PCSK2: variants seen among roughly 807,000 people sequenced by gnomAD.
The protein encoded by PCSK2 is neuroendocrine convertase 2.
PCSK2 carries 14 observed loss-of-function variants against 69.7 expected under a neutral mutation model. The ratio of observed to expected loss-of-function variants is 0.20; its 90% CI spans 0.13 to 0.31. The LOEUF is 0.31. Among genes scored for constraint, PCSK2 ranks in the 10% least tolerant of loss-of-function variants. The pLI, the probability that PCSK2 is intolerant of heterozygous loss-of-function variation, is 1.00. For missense variants in PCSK2, 544 were observed against 842.5 expected (o/e 0.65, Z 4.39); for synonymous variants, 307 against 320.7 (o/e 0.96, Z 0.46).
chr20:17,283,954 G>A (rs1988418238), intron 2 of PCSK2, among the ~76,000 whole-genome samples: 1 of 152,142 alleles, frequency 6.6e-6, no homozygotes, highest in South Asian at 2.1e-4. Context: ...CAGGAGCCAT[G>A]GCCAGAATCC....
intron 7 of PCSK2, among the ~76,000 whole-genome samples, chr20:17,432,125 AAAT>A (rs1313622300): frequency 6.6e-6 from 1 of 152,198 alleles, no homozygotes; most frequent in African/African-American, 2.4e-5. Context: ...TGGAGATTGT[AAAT>A]TGAGTCCTCT....
rs557875613 is a variant in PCSK2 at position 17,453,026 on chromosome 20, A to G, written c.886-716A>G. ...TGTGTGTTTTACTTGATCATATTAGACTTTCCTCCTACATTTGGAGTTCCC... is the reference window on the plus strand; with the variant it reads ...TGTGTGTTTTACTTGATCATATTAGGCTTTCCTCCTACATTTGGAGTTCCC... On this transcript the variant is annotated intron_variant, in intron 8 of 11. Coordinates refer to ENST00000262545, the MANE Select transcript of PCSK2 (RefSeq NM_002594.5). This position sits in a 1 kb window ranked among gnomAD's most constrained non-coding sequence, Gnocchi z 4.0. Among the ~76,000 whole-genome samples the G allele has an allele frequency of 6.6e-6, 1 of 152,168 alleles. No homozygotes were observed. The highest frequency in any genetic ancestry group is 2.4e-5 in the African/African-American group (1 of 41,446).
At chr20:17,473,224 G>C (rs1157621376) in intron 11 of PCSK2, among the ~76,000 whole-genome samples, 2 of 151,242 alleles carry the variant, frequency 1.3e-5, no homozygotes, top group African/African-American at 4.9e-5. Flanking sequence ...CTCCTGAGTA[G>C]CTGCGATTAC....
intron 5 of PCSK2, among the ~76,000 whole-genome samples, chr20:17,407,462 C>T (rs1157551304): frequency 2.0e-5 from 3 of 152,138 alleles, no homozygotes; most frequent in South Asian, 2.1e-4. Flanking sequence ...GTGTTTCTCT[C>T]GATATTCCTA....
chr20:17,263,480 G>A (rs1450686200), intron 2 of PCSK2, among the ~76,000 whole-genome samples: 7 of 152,236 alleles, frequency 4.6e-5, no homozygotes, highest in Non-Finnish European at 1.0e-4. Flanking sequence ...TTTGCACAGT[G>A]AGATGTTCAG....
chr20:17,428,035 C>T (rs2032284009), intron 6 of PCSK2, among the ~76,000 whole-genome samples: 1 of 152,186 alleles, frequency 6.6e-6, no homozygotes, highest in African/African-American at 2.4e-5. Flanking sequence ...CGTAAGAAAC[C>T]TCTATTTATG....
chr20:17,327,469 C>G (rs1277825209), intron 2 of PCSK2, among the ~76,000 whole-genome samples: 1 of 152,196 alleles, frequency 6.6e-6, no homozygotes. Flanking sequence ...CCTGTATCCT[C>G]CAAAGATTTA....
chr20:17,247,284 G>A (rs576680911), intron 1 of PCSK2, among the ~76,000 whole-genome samples: 4 of 152,246 alleles, frequency 2.6e-5, no homozygotes, highest in African/African-American at 4.8e-5. Flanking sequence ...AATAAAGAAC[G>A]GTCTCTGAGA....
At position 17,373,946 on chromosome 20, in the gene PCSK2, G is replaced by A. The variant is rs777025362; in HGVS notation, c.543+4669G>A. On this transcript the variant is annotated intron_variant, in intron 5 of 11. Transcript: ENST00000262545. ...TTCTATGATTGAATTTCATCGGAGG[G>A]ATCCAGTCCCACTGGTAAAAGTTCA... Among the ~76,000 whole-genome samples, 8 of 152,310 alleles carry A rather than the reference G, an allele frequency of 5.3e-5. 1 individual carries two copies. The East Asian group carries it at 1.5e-3, about 29-fold the overall frequency.
chr20:17,443,572 C>CT (rs1568652670), intron 8 of PCSK2, among the ~76,000 whole-genome samples: 1 of 152,140 alleles, frequency 6.6e-6, no homozygotes, highest in Non-Finnish European at 1.5e-5. Context: ...CTGAGAGGCA[C>CT]TTTTTTTGAC....
chr20:17,420,442 T>C (rs2032097359), intron 6 of PCSK2, among the ~76,000 whole-genome samples: 1 of 152,212 alleles, frequency 6.6e-6, no homozygotes, highest in Non-Finnish European at 1.5e-5. Context: ...TAACCAACCC[T>C]TTCTACATCC....
At chr20:17,479,796 C>CAAA (rs5840770) in intron 11 of PCSK2, among the ~76,000 whole-genome samples, 14 of 89,778 alleles carry the variant, frequency 1.6e-4, no homozygotes, top group East Asian at 7.0e-4. Context: ...GACTCCGTCT[C>CAAA]AAAAAAAAAA....
At chr20:17,372,424 TAAATAAAA>T (rs1285815895) in intron 5 of PCSK2, among the ~76,000 whole-genome samples, 3 of 147,248 alleles carry the variant, frequency 2.0e-5, no homozygotes, top group African/African-American at 7.6e-5. Context: ...AATAAATAAA[TAAATAAAA>T]ATAAAAGATT....
rs1217449634 is a variant in PCSK2, at chr20:17,453,953, G to C, written c.1097G>C (p.Gly366Ala). The change falls in exon 9 of 12, where the codon GGT becomes GCT. Residue 366 changes from glycine to alanine, a missense_variant. Coordinates refer to ENST00000262545, the MANE Select transcript of PCSK2 (RefSeq NM_002594.5). This position sits in a 1 kb window ranked among gnomAD's most constrained non-coding sequence, Gnocchi z 4.0. Reference protein sequence around the residue: ...SNGRKRNPEAGVATTDLYGNC... With the variant: ...SNGRKRNPEAAVATTDLYGNC... ...GGGAGGAAAAGGAACCCCGAGGCCG[G>C]TGTGGTGAGCACGTCCCCTTCTGTC... 3 of 1,614,198 alleles carry C rather than the reference G, an allele frequency of 1.9e-6. No homozygotes were observed. The highest frequency in any genetic ancestry group is 1.7e-5 in the Admixed American group (1 of 60,028).
chr20:17,369,902 G>A (rs2030707008), intron 5 of PCSK2, among the ~76,000 whole-genome samples: 1 of 152,142 alleles, frequency 6.6e-6, no homozygotes, highest in African/African-American at 2.4e-5. Context: ...TTGATTATTT[G>A]TGTCACTTAT....
Position 17,482,266 on chromosome 20 carries a change from A to G in PCSK2, c.*196A>G. 1 of 408,794 alleles carries G rather than the reference A, an allele frequency of 2.4e-6. No individual in the cohort carries two copies. The allele number at this position is 408,794 out of a possible 1,614,324, so 25.3% of individuals were successfully genotyped here. On this transcript the variant is annotated 3_prime_UTR_variant, in exon 12 of 12. Transcript: ENST00000262545. ...CTTTTTTACTCTATGCCCCAAATAT[A>G]GCGTTCCCAACAACATCCATGTCCT...
intron 2 of PCSK2, among the ~76,000 whole-genome samples, chr20:17,344,363 T>C (rs963129654): frequency 3.3e-5 from 5 of 152,060 alleles, no homozygotes; most frequent in African/African-American, 1.2e-4. Context: ...ACACACATTT[T>C]TTTTCTACCG....
At chr20:17,263,124 A>T in intron 2 of PCSK2, 1 of 985,136 alleles carries the variant, frequency 1.0e-6, no homozygotes, top group Non-Finnish European at 1.2e-6. Flanking sequence ...CTAGCAACCC[A>T]AGAAATAAAA....
chr20:17,438,995 G>A (rs1409006732), intron 8 of PCSK2, among the ~76,000 whole-genome samples: 2 of 152,162 alleles, frequency 1.3e-5, no homozygotes, highest in South Asian at 4.1e-4. Context: ...TCTGCCTCAG[G>A]CTCTGCTTCT....
Sources: gnomAD v4.1 joint callset for allele counts (sites outside exome capture counted in the v4.1 genomes callset) on GRCh38, gnomAD v4.1.1 for gene constraint, Gnocchi (gnomAD v3.1) non-coding constraint, MANE v1.5 for transcripts, NCBI Gene and HGNC (gene_info 2026-07-23, HGNC 2026-07-21) for gene names.